VAV2: variants seen among roughly 807,000 people sequenced by gnomAD.
VAV2 encodes the protein vav guanine nucleotide exchange factor 2.
VAV2 carries 67 observed loss-of-function variants against 132.5 expected under a neutral mutation model. That is an observed-to-expected ratio of 0.51 (90% CI 0.42 to 0.62). The LOEUF (loss-of-function observed/expected upper bound fraction) is 0.62, where lower values mean the gene tolerates loss of function less well. Ranked by LOEUF, VAV2 falls within the 20% of genes least tolerant of loss-of-function variation. VAV2 has a pLI of 0.00. For missense variants in VAV2, 938 were observed against 1,153.6 expected, an observed-to-expected ratio of 0.81 and a Z score of 2.71; for synonymous variants, 492 against 443.5, an observed-to-expected ratio of 1.11 and a Z score of -1.37.
At chr9:133,948,018 TGGCCTCAAGTGATCCACCTGCCTC>T (rs1841426412) in intron 1 of VAV2, among the ~76,000 whole-genome samples, 1 of 152,144 alleles carries the variant, frequency 6.6e-6, no homozygotes, top group African/African-American at 2.4e-5. Flanking sequence ...CTCAAACTCC[TGGCCTCAAGTGATCCACCTGCCTC>T]GGCCTCCCAA....
rs145027080 is a variant in VAV2, at chr9:133,900,891, C to T, written c.321+38212G>A. ...TCAACTCACTGCAACCTCCGCCTCC[C>T]GGGTTCGTGCAATTCTCCTGTCTCA... On this transcript the variant is annotated intron_variant, in intron 2 of 29. Transcript: ENST00000371850. Among the ~76,000 whole-genome samples the T allele has an allele frequency of 8.8e-3, 1,331 of 151,890 alleles. 25 individuals carry two copies. The highest frequency in any genetic ancestry group is 0.029 in the African/African-American group (1,204 of 41,400).
chr9:133,915,264 C>T (rs554672174), intron 2 of VAV2, among the ~76,000 whole-genome samples: 204 of 152,322 alleles, frequency 1.3e-3, no homozygotes, highest in Non-Finnish European at 2.3e-3. Context: ...CCCCACACCA[C>T]CGTCCCGCCC....
At chr9:133,846,111 G>A (rs1836924734) in intron 3 of VAV2, among the ~76,000 whole-genome samples, 1 of 152,220 alleles carries the variant, frequency 6.6e-6, no homozygotes. Flanking sequence ...CCCACAAGAT[G>A]GGGTTCCGTC....
rs1348774273 is a variant in VAV2, at chr9:133,763,316, G to C, written c.*746C>G. The C allele has an allele frequency of 2.6e-5, 4 of 152,264 alleles. No homozygotes were observed. Among genetic ancestry groups the C allele is most frequent in the Non-Finnish European group, 5.9e-5 (4 of 68,080 alleles). 9.4% of individuals were successfully genotyped at this position (152,264 alleles called of 1,614,324 possible). A position where few individuals can be genotyped will look rare whatever the true frequency, so the allele number is the denominator to read the frequency against. On this transcript the variant is annotated 3_prime_UTR_variant, in exon 30 of 30. Transcript: ENST00000371850. The surrounding 1 kb of genome is among the most constrained non-coding windows in gnomAD (Gnocchi z 6.8). The stretch of plus-strand genomic sequence containing the variant: ...AGGACTCCAGAAAGGGCCTCTCAGA[G>C]AGAGGGCAGGAAACGGTACCGCTGA...
At chr9:133,864,805 G>A (rs911568226) in intron 2 of VAV2, among the ~76,000 whole-genome samples, 7 of 152,336 alleles carry the variant, frequency 4.6e-5, no homozygotes, top group Admixed American at 3.3e-4. Flanking sequence ...TGGACTCCTC[G>A]CAGAGCCAGG....
chr9:133,890,248 C>A (rs1472121309), intron 2 of VAV2, among the ~76,000 whole-genome samples: 5 of 151,950 alleles, frequency 3.3e-5, no homozygotes, highest in Non-Finnish European at 7.4e-5. Flanking sequence ...GTGGTTTCTT[C>A]CGAGGAGCCA....
At position 133,992,138 on chromosome 9, in the gene VAV2, C is replaced by T; in HGVS notation, c.141G>A (p.Leu47=). The change falls in exon 1 of 30, where the codon CTG becomes CTA. Residue 47 remains leucine (L), a synonymous_variant. Transcript: ENST00000371850. This position sits in a 1 kb window ranked among gnomAD's most constrained non-coding sequence, Gnocchi z 5.5. ...CGATGGAGCCGGGGGAGAGGTTGTGCAGCAGCTGGCACAGAAGGACCCCGT... is the reference window on the plus strand; with the variant it reads ...CGATGGAGCCGGGGGAGAGGTTGTGTAGCAGCTGGCACAGAAGGACCCCGT... ...LRDGVLLCQL[L]HNLSPGSIDL... 4 of 1,594,476 alleles carry T rather than the reference C, an allele frequency of 2.5e-6. No homozygotes were observed. The highest frequency in any genetic ancestry group is 3.4e-6 in the Non-Finnish European group (4 of 1,171,058).
At position 133,768,688 on chromosome 9, in the gene VAV2, G is replaced by GGTGCCCAGAACCCTGCTCT. The variant is rs1285048046; in HGVS notation, c.2435-111_2435-93dup. ...TTGGGCCAAGCTGGGTCTCTCCCCT[G>GGTGCCCAGAACCCTGCTCT]GTGCCCAGAACCCTGCTCTGTACCC... On this transcript the variant is annotated intron_variant, in intron 28 of 29. Transcript: ENST00000371850. This position sits in a 1 kb window ranked among gnomAD's most constrained non-coding sequence, Gnocchi z 5.3. 6.1e-6 allele frequency: 9 copies of GGTGCCCAGAACCCTGCTCT among 1,479,332 alleles called. No homozygotes were observed. The African/African-American group carries it at 1.1e-4, about 18-fold the overall frequency. The allele number at this position is 1,479,332 out of a possible 1,614,324, so 91.6% of individuals were successfully genotyped here. A position where few individuals can be genotyped will look rare whatever the true frequency, so the allele number is the denominator to read the frequency against.
At position 133,879,271 on chromosome 9, in the gene VAV2, A is replaced by C. The variant is rs1361167748; in HGVS notation, c.322-17839T>G. Among the ~76,000 whole-genome samples the C allele has an allele frequency of 6.6e-6, 1 of 152,120 alleles. No individual in the cohort carries two copies. Among genetic ancestry groups the C allele is most frequent in the Middle Eastern group, 3.2e-3 (1 of 316 alleles). On this transcript the variant is annotated intron_variant, in intron 2 of 29. Transcript: ENST00000371850. The surrounding 1 kb of genome is among the most constrained non-coding windows in gnomAD (Gnocchi z 4.4). ...TTTGAGCAGCTGCTGCGTACCAAGCACTGTGCTAGGGTGACCTCTGGAGCT... is the reference window on the plus strand; with the variant it reads ...TTTGAGCAGCTGCTGCGTACCAAGCCCTGTGCTAGGGTGACCTCTGGAGCT...
chr9:133,914,777 C>T (rs61434758), intron 2 of VAV2, among the ~76,000 whole-genome samples: 7 of 978 alleles, frequency 7.2e-3, no homozygotes, highest in South Asian at 0.021. Flanking sequence ...GAGGAGGGGA[C>T]GGGAGGGGAG....
intron 2 of VAV2, among the ~76,000 whole-genome samples, chr9:133,908,701 T>C (rs2132036212): frequency 6.6e-6 from 1 of 152,356 alleles, no homozygotes; most frequent in Middle Eastern, 3.4e-3. Context: ...GCCTCCACTA[T>C]GGGAACCGCT....
At position 133,918,343 on chromosome 9, in the gene VAV2, A is replaced by G. The variant is rs1840175529; in HGVS notation, c.321+20760T>C. The stretch of plus-strand genomic sequence containing the variant: ...CGCTGGCTCCGAGCCTTGTGTCTGC[A>G]TTTCCCGCACTTTCATCTGCTGGTC... On this transcript the variant is annotated intron_variant, in intron 2 of 29. Transcript: ENST00000371850. This position sits in a 1 kb window ranked among gnomAD's most constrained non-coding sequence, Gnocchi z 4.7. Among the ~76,000 whole-genome samples, 2 of 147,190 alleles carry G rather than the reference A, an allele frequency of 1.4e-5. No homozygotes were observed. Among genetic ancestry groups the G allele is most frequent in the Admixed American group, 1.3e-4 (2 of 15,102 alleles).
intron 3 of VAV2, among the ~76,000 whole-genome samples, chr9:133,835,427 G>A (rs1284569634): frequency 1.3e-5 from 2 of 149,168 alleles, no homozygotes; most frequent in African/African-American, 2.6e-5. Flanking sequence ...TGGGGAGGGA[G>A]GAGAGGCAGG....
intron 5 of VAV2, among the ~76,000 whole-genome samples, chr9:133,811,376 T>A (rs554308343): frequency 6.6e-6 from 1 of 152,300 alleles, no homozygotes; most frequent in Admixed American, 6.5e-5. Flanking sequence ...AACACTGAAA[T>A]CAGCTTTCTG....
chr9:133,865,933 A>T (rs1257345004), intron 2 of VAV2, among the ~76,000 whole-genome samples: 1 of 152,202 alleles, frequency 6.6e-6, no homozygotes, highest in African/African-American at 2.4e-5. Flanking sequence ...CCTGGTGCCA[A>T]AGCAGGGTGT....
In VAV2 at chr9:133,769,580, C is replaced by T. The variant is rs979328086; in HGVS notation, c.2348-77G>A. The T allele has an allele frequency of 1.3e-5, 18 of 1,436,022 alleles. No homozygotes were observed. The African/African-American group carries it at 1.4e-4, about 11-fold the overall frequency. 89.0% of individuals were successfully genotyped at this position (1,436,022 alleles called of 1,614,324 possible). A position where few individuals can be genotyped will look rare whatever the true frequency, so the allele number is the denominator to read the frequency against. ...AGTCACGGTGGGCACAGCTACAGGCCGGGGGGCATGGGGTGGGGCAGGCCC... is the reference window on the plus strand; with the variant it reads ...AGTCACGGTGGGCACAGCTACAGGCTGGGGGGCATGGGGTGGGGCAGGCCC... On this transcript the variant is annotated intron_variant, in intron 27 of 29. Transcript: ENST00000371850. The surrounding 1 kb of genome is among the most constrained non-coding windows in gnomAD (Gnocchi z 8.1).
At chr9:133,962,608 A>C (rs1173839609) in intron 1 of VAV2, among the ~76,000 whole-genome samples, 1 of 152,062 alleles carries the variant, frequency 6.6e-6, no homozygotes, top group Non-Finnish European at 1.5e-5. Context: ...CAGTTAGCAG[A>C]AGCCCCTCCC....
intron 1 of VAV2, among the ~76,000 whole-genome samples, chr9:133,957,057 C>T (rs1390244774): frequency 6.6e-6 from 1 of 152,162 alleles, no homozygotes; most frequent in East Asian, 1.9e-4. Flanking sequence ...AGGACTCTCT[C>T]CAACGCCACC....
At chr9:133,903,217 C>T (rs1490024492) in intron 2 of VAV2, among the ~76,000 whole-genome samples, 3 of 152,152 alleles carry the variant, frequency 2.0e-5, no homozygotes, top group African/African-American at 7.2e-5. Context: ...CCCCAGAAGG[C>T]ACCAGCCCCG....
Sources: allele counts gnomAD v4.1 joint callset (sites outside exome capture counted in the v4.1 genomes callset), GRCh38; gene constraint gnomAD v4.1.1; non-coding constraint Gnocchi (gnomAD v3.1); transcripts MANE v1.5; gene names NCBI Gene and HGNC (gene_info 2026-07-23, HGNC 2026-07-21).